Variants in OR2T1 observed in about 807,000 individuals in gnomAD.
OR2T1 encodes the protein olfactory receptor family 2 subfamily T member 1, also known as olfactory receptor 2T1.
For synonymous variants in OR2T1, 186 were observed against 145.4 expected (o/e 1.28, Z -2.01); for missense variants, 440 against 390.2 (o/e 1.13, Z -1.07).
chr1:248,403,532 G>A (rs1035704617), intron 1 of OR2T1, among the ~76,000 whole-genome samples: 2 of 152,058 alleles, frequency 1.3e-5, no homozygotes, highest in Non-Finnish European at 2.9e-5. Context: ...GTGACCAGAG[G>A]AAGAACTCAA....
intron 1 of OR2T1, among the ~76,000 whole-genome samples, chr1:248,405,468 A>G (rs1029839838): frequency 6.6e-6 from 1 of 152,172 alleles, no homozygotes; most frequent in African/African-American, 2.4e-5. Context: ...AAATAAATAA[A>G]ATTCTACAAC....
Position 248,407,714 on chromosome 1 carries a change from C to T in OR2T1, c.*610C>T, listed in dbSNP as rs1661598025. ...AAGCTGAACAGGAGGGTGATAAGAACCCATCCATGTGCCTGGAGGGTGGCA... is the reference window on the plus strand; with the variant it reads ...AAGCTGAACAGGAGGGTGATAAGAATCCATCCATGTGCCTGGAGGGTGGCA... On this transcript the variant is annotated 3_prime_UTR_variant, in exon 2 of 2. Transcript: ENST00000642005. 1 of 152,290 alleles carries T rather than the reference C, an allele frequency of 6.6e-6. No homozygotes were observed. The highest frequency in any genetic ancestry group is 1.5e-5 in the Non-Finnish European group (1 of 68,136). 9.4% of individuals were successfully genotyped at this position (152,290 alleles called of 1,614,324 possible).
chr1:248,403,915 C>T (rs1190022370), intron 1 of OR2T1, among the ~76,000 whole-genome samples: 1 of 151,888 alleles, frequency 6.6e-6, no homozygotes, highest in African/African-American at 2.4e-5. Flanking sequence ...GCAGGGCTAG[C>T]TGGCCATAGA....
At chr1:248,405,310 A>T (rs1323669407) in intron 1 of OR2T1, among the ~76,000 whole-genome samples, 6 of 152,142 alleles carry the variant, frequency 3.9e-5, no homozygotes, top group Admixed American at 6.5e-5. Context: ...AACTATGAAA[A>T]ATTCTAATTT....
intron 1 of OR2T1, among the ~76,000 whole-genome samples, chr1:248,404,082 A>G (rs28661952): frequency 0.42 from 60,241 of 143,648 alleles, 14,322 homozygotes; most frequent in Non-Finnish European, 0.55. Context: ...CTGAAATTGT[A>G]TAAAACAGTC....
At chr1:248,403,880 A>G (rs1572879196) in intron 1 of OR2T1, among the ~76,000 whole-genome samples, 1 of 152,256 alleles carries the variant, frequency 6.6e-6, no homozygotes, top group East Asian at 1.9e-4. Context: ...TAGACTTTAG[A>G]ATTTCCCTTT....
At position 248,406,743 on chromosome 1, in the gene OR2T1, A is replaced by G. The variant is rs774767674; in HGVS notation, c.596A>G (p.Tyr199Cys). 2.5e-6 allele frequency: 4 copies of G among 1,614,008 alleles called. No homozygotes were observed. The highest frequency in any genetic ancestry group is 3.4e-6 in the Non-Finnish European group (4 of 1,180,020). ...ACAGCCCTCTACGAGACAGTGATGT[A>G]TGTGTGCTGTGTTTTGATGCTGCTG... ...ADTALYETVM[Y>C]VCCVLMLLIP... is the part of the protein sequence containing the mutation. The change falls in exon 2 of 2, where the codon TAT becomes TGT. Residue 199 changes from tyrosine to cysteine, a missense_variant. Coordinates refer to ENST00000642005, the MANE Select transcript of OR2T1 (RefSeq NM_030904.2).
chr1:248,404,323 C>T (rs1414974605), intron 1 of OR2T1, among the ~76,000 whole-genome samples: 2 of 4,342 alleles, frequency 4.6e-4, no homozygotes, highest in African/African-American at 9.3e-4. Context: ...AAAGTCAAAC[C>T]GAAAATGTAG....
At position 248,407,073 on chromosome 1, in the gene OR2T1, G is replaced by T. The variant is rs771929588; in HGVS notation, c.926G>T (p.Gly309Val). The change falls in exon 2 of 2, where the codon GGT (glycine) becomes GTT (valine). Residue 309 changes from glycine (G) to valine (V), a missense_variant. Gly to Val is a moderately radical substitution (Grantham distance 109). Coordinates refer to ENST00000642005, the MANE Select transcript of OR2T1 (RefSeq NM_030904.2). ...AAGAGGGCCTTGGGGAGGTTCAAGG[G>T]TCCTCAAAGGGTGTCAGGAGGTGTC... ...ALKRALGRFKGPQRVSGGVF is the reference protein window; with the variant it reads ...ALKRALGRFKVPQRVSGGVF The T allele has an allele frequency of 5.6e-6, 9 of 1,607,740 alleles. No individual in the cohort carries two copies. The South Asian group carries it at 1.0e-4, about 18-fold the overall frequency.
intron 1 of OR2T1, 126 bp from the exon 2 acceptor site, chr1:248,405,989 G>C (rs777536284): frequency 1.5e-5 from 24 of 1,593,272 alleles, no homozygotes; most frequent in Non-Finnish European, 2.0e-5. Flanking sequence ...CTAGATATCA[G>C]TCTCAATGTG....
Position 248,407,251 on chromosome 1 carries a change from T to TGG in OR2T1, c.*147_*148insGG. 3.7e-6 allele frequency: 2 copies of TGG among 541,466 alleles called. No homozygotes were observed. Among genetic ancestry groups the TGG allele is most frequent in the Non-Finnish European group, 5.7e-6 (2 of 351,162 alleles). The allele number at this position is 541,466 out of a possible 1,614,324, so 33.5% of individuals were successfully genotyped here. On this transcript the variant is annotated 3_prime_UTR_variant, in exon 2 of 2. Transcript: ENST00000642005. The stretch of plus-strand genomic sequence containing the variant: ...CTAGGGTTTCTGGTTCATAACTCCA[T>TGG]AGTTATGATGTTGTGGTTTTTTAGG...
chr1:248,405,392 A>G (rs1049477941), intron 1 of OR2T1, among the ~76,000 whole-genome samples: 1 of 152,180 alleles, frequency 6.6e-6, no homozygotes, highest in Non-Finnish European at 1.5e-5. Context: ...TTAATTGCTA[A>G]TACTGATTTC....
In OR2T1 at chr1:248,407,610, C is replaced by T. The variant is rs1661592005; in HGVS notation, c.*506C>T. On this transcript the variant is annotated 3_prime_UTR_variant, in exon 2 of 2. Coordinates refer to ENST00000642005, the MANE Select transcript of OR2T1 (RefSeq NM_030904.2). ...TATTTCTGTGCAATTGTCCATGCTT[C>T]AATCATGACTATTCAATAAAGTCTC... The T allele has an allele frequency of 1.3e-5, 2 of 153,856 alleles. No homozygotes were observed. Among genetic ancestry groups the T allele is most frequent in the Non-Finnish European group, 2.9e-5 (2 of 69,376 alleles). The allele number at this position is 153,856 out of a possible 1,614,324, so 9.5% of individuals were successfully genotyped here. A position where few individuals can be genotyped will look rare whatever the true frequency, so the allele number is the denominator to read the frequency against.
Position 248,406,777 on chromosome 1 carries a change from C to T in OR2T1, c.630C>T (p.Phe210=), listed in dbSNP as rs750308698. ...GTGTTTTGATGCTGCTGATTCCTTT[C>T]TCTGTAGTCCTTGCTTCCTATGCCC... ...VCCVLMLLIP[F]SVVLASYARI... Residue 210 remains phenylalanine, a synonymous_variant, in exon 2 of 2, where the codon TTC becomes TTT. Transcript: ENST00000642005. 1.2e-6 allele frequency: 2 copies of T among 1,614,096 alleles called. No homozygotes were observed. The highest frequency in any genetic ancestry group is 4.5e-5 in the East Asian group (2 of 44,888).
intron 1 of OR2T1, among the ~76,000 whole-genome samples, chr1:248,405,808 G>A (rs1025633989): frequency 1.3e-5 from 2 of 152,162 alleles, no homozygotes; most frequent in South Asian, 2.1e-4. Flanking sequence ...GCATACACCG[G>A]ACCATGGTAT....
rs138840098 is a variant in OR2T1, at chr1:248,407,197, G to A, written c.*93G>A. On this transcript the variant is annotated 3_prime_UTR_variant, in exon 2 of 2. Coordinates refer to ENST00000642005, the MANE Select transcript of OR2T1 (RefSeq NM_030904.2). ...AAAAGATGAAGCAAAAAGGGAGGGA[G>A]TCATATGATTACAATATTGGTTTTT... 5 of 1,255,260 alleles carry A rather than the reference G, an allele frequency of 4.0e-6. 1 individual carries two copies. Among genetic ancestry groups the A allele is most frequent in the Non-Finnish European group, 5.5e-6 (5 of 901,942 alleles). The allele number at this position is 1,255,260 out of a possible 1,614,324, so 77.8% of individuals were successfully genotyped here. A position where few individuals can be genotyped will look rare whatever the true frequency, so the allele number is the denominator to read the frequency against.
chr1:248,404,824 G>T (rs1314877750), intron 1 of OR2T1, among the ~76,000 whole-genome samples: 1 of 152,000 alleles, frequency 6.6e-6, no homozygotes, highest in Non-Finnish European at 1.5e-5. Flanking sequence ...ACAATGCCAT[G>T]TGTATGAATA....
intron 1 of OR2T1, among the ~76,000 whole-genome samples, chr1:248,405,031 G>A (rs1353159424): frequency 1.3e-5 from 2 of 152,046 alleles, no homozygotes; most frequent in Non-Finnish European, 2.9e-5. Flanking sequence ...TAAACTCCAC[G>A]ATGTCATCAT....
Position 248,407,187 on chromosome 1 carries a change from AAGGG to A in OR2T1, c.*90_*93del, listed in dbSNP as rs1451931290. On this transcript the variant is annotated 3_prime_UTR_variant, in exon 2 of 2. Transcript: ENST00000642005. ...TGCTTTCATCAAAAGATGAAGCAAA[AAGGG>A]AGGGAGTCATATGATTACAATATTG... is the stretch of plus-strand genomic sequence containing the variant. 1 of 1,333,106 alleles carries A rather than the reference AAGGG, an allele frequency of 7.5e-7. No homozygotes were observed. The highest frequency in any genetic ancestry group is 1.0e-6 in the Non-Finnish European group (1 of 971,196). The allele number at this position is 1,333,106 out of a possible 1,614,324, so 82.6% of individuals were successfully genotyped here. A position where few individuals can be genotyped will look rare whatever the true frequency, so the allele number is the denominator to read the frequency against.
Sources: gnomAD v4.1 joint callset for allele counts (sites outside exome capture counted in the v4.1 genomes callset) on GRCh38, gnomAD v4.1.1 for gene constraint, MANE v1.5 for transcripts, NCBI Gene and HGNC (gene_info 2026-07-23, HGNC 2026-07-21) for gene names.